Variants in SLC38A10 observed in about 807,000 individuals in gnomAD.
SLC38A10 encodes solute carrier family 38 member 10.
Under a neutral mutation model 81.0 loss-of-function variants are expected in SLC38A10, and 53 were observed. The ratio of observed to expected loss-of-function variants is 0.65; its 90% CI spans 0.53 to 0.82. SLC38A10 has a LOEUF of 0.82. Among genes scored for constraint, SLC38A10 ranks in the 40% least tolerant of loss-of-function variants. The pLI, the probability that SLC38A10 is intolerant of heterozygous loss-of-function variation, is 0.00. For missense variants in SLC38A10, 1,471 were observed against 1,545.0 expected (o/e 0.95, Z 0.80); for synonymous variants, 665 against 655.3 (o/e 1.01, Z -0.23).
intron 1 of SLC38A10, among the ~76,000 whole-genome samples, chr17:81,291,390 G>C (rs572966702): frequency 6.6e-6 from 1 of 151,802 alleles, no homozygotes; most frequent in African/African-American, 2.4e-5. Context: ...AGGAGGCTGA[G>C]GCAGGAGACT....
Position 81,245,675 on chromosome 17 carries a change from G to C in SLC38A10, c.3241C>G (p.Gln1081Glu). ...IIGLNPLPDVQVNDLRGALDA... is the reference protein window; with the variant it reads ...IIGLNPLPDVEVNDLRGALDA... ...AGGGCGCCACGGAGGTCGTTCACCT[G>C]GACATCAGGCAGGGGGTTAAGGCCA... The change falls in exon 16 of 16, where the codon CAG (glutamine) becomes GAG (glutamate). Residue 1081 changes from glutamine to glutamate, a missense_variant. By Grantham distance (29) the Gln-to-Glu change is conservative. Around this residue, in one of 2 missense-constraint regions of SLC38A10, gnomAD observed 751 missense variants for 717.4 expected, o/e 1.05. Coordinates refer to ENST00000374759, the MANE Select transcript of SLC38A10 (RefSeq NM_001037984.3). The C allele has an allele frequency of 6.2e-7, 1 of 1,608,928 alleles. No individual in the cohort carries two copies. The highest frequency in any genetic ancestry group is 8.5e-7 in the Non-Finnish European group (1 of 1,178,190).
chr17:81,277,064 G>C lies in SLC38A10; in HGVS notation c.696C>G (p.Ser232=). Residue 232 remains serine (S), a synonymous_variant, in exon 7 of 16, where the codon TCC becomes TCG. Coordinates refer to ENST00000374759, the MANE Select transcript of SLC38A10 (RefSeq NM_001037984.3). This position sits in a 1 kb window ranked among gnomAD's most constrained non-coding sequence, Gnocchi z 4.5. ...AGAAGGTGGTGACCACATTAAGGGA[G>C]GAAGCAAATATGGAGCTCATGGTTT... ...SVKTMSSIFA[S]SLNVVTTFYV... 1 of 1,614,068 alleles carries C rather than the reference G, an allele frequency of 6.2e-7. No homozygotes were observed. The highest frequency in any genetic ancestry group is 8.5e-7 in the Non-Finnish European group (1 of 1,179,952).
In SLC38A10 at chr17:81,280,608, C is replaced by G; in HGVS notation, c.626+1G>C. The stretch of plus-strand genomic sequence containing the variant: ...ACCACAGACCACAGCAGGACACTTA[C>G]GACTGGCAGGCGAAGGACATGCCGA... On this transcript the variant is annotated splice_donor_variant, in intron 6 of 15. Coordinates refer to ENST00000374759, the MANE Select transcript of SLC38A10 (RefSeq NM_001037984.3). LOFTEE classifies it high-confidence loss of function. 1.2e-6 allele frequency: 2 copies of G among 1,613,618 alleles called. No homozygotes were observed. Among genetic ancestry groups the G allele is most frequent in the South Asian group, 1.1e-5 (1 of 91,034 alleles).
intron 14 of SLC38A10, chr17:81,250,205 A>G: frequency 9.1e-7 from 1 of 1,094,982 alleles, no homozygotes; most frequent in Non-Finnish European, 1.2e-6. Flanking sequence ...GTAACAGAGC[A>G]TAGGAATTGG....
At chr17:81,249,130 C>T (rs1246381333) in intron 14 of SLC38A10, among the ~76,000 whole-genome samples, 3 of 146,434 alleles carry the variant, frequency 2.0e-5, no homozygotes, top group African/African-American at 5.0e-5. Context: ...CATGGCCTCA[C>T]TTGCTCCTCA....
In SLC38A10 at chr17:81,277,276, C is replaced by T. The variant is rs111598661; in HGVS notation, c.627-143G>A. On this transcript the variant is annotated intron_variant, in intron 6 of 15. Transcript: ENST00000374759. This position sits in a 1 kb window ranked among gnomAD's most constrained non-coding sequence, Gnocchi z 4.5. ...ATTCTCTGCACACTGGAAGTCCCAG[C>T]GCTGAGGCCAGGACTTGGTGTTGCT... is the stretch of plus-strand genomic sequence containing the variant. The T allele has an allele frequency of 6.8e-6, 5 of 733,092 alleles. No individual in the cohort carries two copies. The highest frequency in any genetic ancestry group is 3.5e-5 in the African/African-American group (2 of 57,412). The allele number at this position is 733,092 out of a possible 1,614,324, so 45.4% of individuals were successfully genotyped here. A position where few individuals can be genotyped will look rare whatever the true frequency, so the allele number is the denominator to read the frequency against.
Position 81,253,834 on chromosome 17 carries a change from G to A in SLC38A10, c.1289-594C>T, listed in dbSNP as rs1268585287. ...CACCGTCACCATCATCACCATCACC[G>A]CTATCATCACCACCATCTCCATCCC... is the stretch of plus-strand genomic sequence containing the variant. On this transcript the variant is annotated intron_variant, in intron 11 of 15. Transcript: ENST00000374759. The surrounding 1 kb of genome is among the most constrained non-coding windows in gnomAD (Gnocchi z 4.1). 7.2e-6 allele frequency among the ~76,000 whole-genome samples: 1 copy of A among 138,338 alleles called. No homozygotes were observed. Among genetic ancestry groups the A allele is most frequent in the East Asian group, 2.1e-4 (1 of 4,654 alleles). 90.8% of individuals were successfully genotyped at this position (138,338 alleles called of 152,430 possible).
At chr17:81,259,789 C>T (rs1213215302) in intron 11 of SLC38A10, among the ~76,000 whole-genome samples, 1 of 152,210 alleles carries the variant, frequency 6.6e-6, no homozygotes, top group East Asian at 1.9e-4. Flanking sequence ...GGCTCATGGT[C>T]CTAACTCCAC....
chr17:81,277,527 C>G lies in SLC38A10; in HGVS notation c.627-394G>C, dbSNP rs1013882451. 6.6e-6 allele frequency among the ~76,000 whole-genome samples: 1 copy of G among 152,226 alleles called. No individual in the cohort carries two copies. Among genetic ancestry groups the G allele is most frequent in the African/African-American group, 2.4e-5 (1 of 41,470 alleles). Reference sequence around the variant, plus strand: ...ACAAACACACCCTGGCCTGGGCGGCCGGCCCATCTCGGCGCCTCCATCTCG... The same window carrying G: ...ACAAACACACCCTGGCCTGGGCGGCGGGCCCATCTCGGCGCCTCCATCTCG... On this transcript the variant is annotated intron_variant, in intron 6 of 15. Transcript: ENST00000374759. The surrounding 1 kb of genome is among the most constrained non-coding windows in gnomAD (Gnocchi z 4.5).
chr17:81,283,616 T>TA lies in SLC38A10; in HGVS notation c.264-115_264-114insT. ...TGAATGACAGATGTGATTTCTTTTTTCTTTTTTTTTTTTTTGAAACAGAGT... is the reference window on the plus strand; with the variant it reads ...TGAATGACAGATGTGATTTCTTTTTTACTTTTTTTTTTTTTTGAAACAGAGT... On this transcript the variant is annotated intron_variant, in intron 3 of 15. Coordinates refer to ENST00000374759, the MANE Select transcript of SLC38A10 (RefSeq NM_001037984.3). The surrounding 1 kb of genome is among the most constrained non-coding windows in gnomAD (Gnocchi z 4.7). 2.9e-6 allele frequency: 2 copies of TA among 693,782 alleles called. No homozygotes were observed. The highest frequency in any genetic ancestry group is 4.7e-6 in the Non-Finnish European group (2 of 428,396). 43.0% of individuals were successfully genotyped at this position (693,782 alleles called of 1,614,324 possible). A position where few individuals can be genotyped will look rare whatever the true frequency, so the allele number is the denominator to read the frequency against.
intron 14 of SLC38A10, among the ~76,000 whole-genome samples, chr17:81,248,404 G>C (rs913677406): frequency 6.6e-6 from 1 of 152,250 alleles, no homozygotes; most frequent in African/African-American, 2.4e-5. Context: ...CCCGTGTTAA[G>C]AGCTGGTGCC....
chr17:81,272,431 G>A, intron 9 of SLC38A10, 85 bp downstream of exon 9: 1 of 761,114 alleles, frequency 1.3e-6, no homozygotes, highest in East Asian at 2.9e-5. Context: ...TGGTCTCTGT[G>A]CAGGTCTCGT....
At position 81,253,160 on chromosome 17, in the gene SLC38A10, C is replaced by T; in HGVS notation, c.1369G>A (p.Ala457Thr). Residue 457 changes from alanine (A) to threonine (T), a missense_variant, in exon 12 of 16, where the codon GCC becomes ACC. By Grantham distance (58) the Ala-to-Thr change is moderately conservative. Around this residue, in one of 2 missense-constraint regions of SLC38A10, gnomAD observed 720 missense variants for 827.7 expected, o/e 0.87. Coordinates refer to ENST00000374759, the MANE Select transcript of SLC38A10 (RefSeq NM_001037984.3). The surrounding 1 kb of genome is among the most constrained non-coding windows in gnomAD (Gnocchi z 4.1). ...ACATCCACGGGCCCCTTGATCTGGG[C>T]CTGCTCCAGCTCCTCTCTCTCCTTC... ...LPKEREELEQ[A>T]QIKGPVDVPG... 1 of 1,613,964 alleles carries T rather than the reference C, an allele frequency of 6.2e-7. No homozygotes were observed. The highest frequency in any genetic ancestry group is 8.5e-7 in the Non-Finnish European group (1 of 1,180,040).
chr17:81,245,294 C>T lies in SLC38A10; in HGVS notation c.*262G>A. On this transcript the variant is annotated 3_prime_UTR_variant, in exon 16 of 16. Transcript: ENST00000374759. ...CAGCTCGCAGCGGAGGCCGTTTCTC[C>T]TCACAGGCTGGAGTGAGCTCAGAGT... 2.3e-6 allele frequency: 1 copy of T among 426,978 alleles called. No homozygotes were observed. Among genetic ancestry groups the T allele is most frequent in the Non-Finnish European group, 4.1e-6 (1 of 242,526 alleles). 26.4% of individuals were successfully genotyped at this position (426,978 alleles called of 1,614,324 possible).
rs1366774156 is a variant in SLC38A10 at position 81,294,924 on chromosome 17, T to C, written c.-3A>G. On this transcript the variant is annotated 5_prime_UTR_variant, in exon 1 of 16. Transcript: ENST00000374759. ...TTGGAGGCGGCGGCCGCGGTCATAG[T>C]GAGAGGTCTAGGGGCCCGGGGCGAG... 36 of 1,591,354 alleles carry C rather than the reference T, an allele frequency of 2.3e-5. No individual in the cohort carries two copies. The highest frequency in any genetic ancestry group is 2.9e-5 in the Non-Finnish European group (34 of 1,170,546).
rs578097541 is a variant in SLC38A10, at chr17:81,281,724, C to T, written c.501+465G>A. ...CCAGGAGATGGAGGTTGCAGTGAGC[C>T]GAGATTGCGCCACTGCACTCCAGCC... On this transcript the variant is annotated intron_variant, in intron 5 of 15. Transcript: ENST00000374759. This position sits in a 1 kb window ranked among gnomAD's most constrained non-coding sequence, Gnocchi z 5.3. Among the ~76,000 whole-genome samples the T allele has an allele frequency of 5.9e-5, 9 of 152,174 alleles. No homozygotes were observed. Among genetic ancestry groups the T allele is most frequent in the East Asian group, 1.9e-4 (1 of 5,174 alleles).
intron 10 of SLC38A10, among the ~76,000 whole-genome samples, chr17:81,261,412 G>A (rs1007576208): frequency 9.8e-5 from 15 of 152,380 alleles, no homozygotes; most frequent in African/African-American, 3.6e-4. Context: ...GCACTGGCAA[G>A]GCGGACTTCT....
In SLC38A10 at chr17:81,286,350, A is replaced by G. The variant is rs2063266870; in HGVS notation, c.218-1455T>C. 6.6e-6 allele frequency among the ~76,000 whole-genome samples: 1 copy of G among 152,240 alleles called. No homozygotes were observed. The highest frequency in any genetic ancestry group is 6.5e-5 in the Admixed American group (1 of 15,290). ...GGGAGGCTGTCTAGGAAATCAGGGC[A>G]GCACTCTCTTCTGGTTCCCAGGACA... On this transcript the variant is annotated intron_variant, in intron 2 of 15. Coordinates refer to ENST00000374759, the MANE Select transcript of SLC38A10 (RefSeq NM_001037984.3). The surrounding 1 kb of genome is among the most constrained non-coding windows in gnomAD (Gnocchi z 6.0).
At chr17:81,255,965 G>C (rs112774339) in intron 11 of SLC38A10, among the ~76,000 whole-genome samples, 1 of 152,126 alleles carries the variant, frequency 6.6e-6, no homozygotes, top group African/African-American at 2.4e-5. Context: ...CTGGGCGACA[G>C]AGCGAGACTC....
Sources: allele counts gnomAD v4.1 joint callset (sites outside exome capture counted in the v4.1 genomes callset), GRCh38; gene constraint gnomAD v4.1.1; regional missense constraint gnomAD v4.1.1; non-coding constraint Gnocchi (gnomAD v3.1); transcripts MANE v1.5; gene names NCBI Gene and HGNC (gene_info 2026-07-23, HGNC 2026-07-21).